HSDL2: variants seen among roughly 807,000 people sequenced by gnomAD.
HSDL2 encodes the protein hydroxysteroid dehydrogenase-like protein 2.
Under a neutral mutation model 46.3 loss-of-function variants are expected in HSDL2, and 27 were observed. The observed-to-expected ratio is 0.58, with a 90% CI of 0.43 to 0.80. The LOEUF is 0.80. Ranked by LOEUF, HSDL2 falls within the 30% of genes least tolerant of loss-of-function variation. The probability of loss-of-function intolerance (pLI) is 0.00; values close to 1 mark genes in which losing one functional copy is unlikely to be tolerated. For synonymous variants in HSDL2, 153 were observed against 163.6 expected (o/e 0.94, Z 0.50); for missense variants, 451 against 502.7 (o/e 0.90, Z 0.98).
chr9:112,409,095 T>A, intron 4 of HSDL2, 74 bp downstream of exon 4: 1 of 830,320 alleles, frequency 1.2e-6, no homozygotes, highest in South Asian at 1.5e-5. Flanking sequence ...TGTAAACAGA[T>A]TTGAGCCAAA....
chr9:112,440,501 G>C (rs1338651373), intron 7 of HSDL2, among the ~76,000 whole-genome samples: 1 of 152,130 alleles, frequency 6.6e-6, no homozygotes, highest in Non-Finnish European at 1.5e-5. Context: ...AAATCTTCTA[G>C]TGTGCACATG....
intron 7 of HSDL2, among the ~76,000 whole-genome samples, chr9:112,439,062 G>A (rs143255315): frequency 3.5e-4 from 54 of 152,196 alleles, no homozygotes; most frequent in African/African-American, 1.1e-3. Flanking sequence ...GTGTAGTGGC[G>A]CAATCTCAGC....
rs78505398 is a variant in HSDL2, at chr9:112,467,051, C to A, written c.1145-3381C>A. Reference sequence around the variant, plus strand: ...AATTATAGAATTACCAAATAACTCACAATTTCTACTTGTAAATATATACTC... The same window carrying A: ...AATTATAGAATTACCAAATAACTCAAAATTTCTACTTGTAAATATATACTC... On this transcript the variant is annotated intron_variant, in intron 10 of 10. Transcript: ENST00000398805. 1.7e-3 allele frequency among the ~76,000 whole-genome samples: 257 copies of A among 152,294 alleles called. 1 individual carries two copies. Among genetic ancestry groups the A allele is most frequent in the African/African-American group, 5.9e-3 (244 of 41,570 alleles).
At chr9:112,388,762 A>T (rs1831273754) in intron 1 of HSDL2, among the ~76,000 whole-genome samples, 1 of 152,124 alleles carries the variant, frequency 6.6e-6, no homozygotes, top group African/African-American at 2.4e-5. Context: ...TTGGAAAAAA[A>T]AAAGTAAGGA....
At chr9:112,405,341 G>C (rs1426131336) in intron 2 of HSDL2, among the ~76,000 whole-genome samples, 1 of 152,112 alleles carries the variant, frequency 6.6e-6, no homozygotes, top group Non-Finnish European at 1.5e-5. Flanking sequence ...AAGAGAGTGA[G>C]ACCCTGTCTG....
At chr9:112,447,093 T>C (rs988909954) in intron 8 of HSDL2, among the ~76,000 whole-genome samples, 1 of 152,202 alleles carries the variant, frequency 6.6e-6, no homozygotes, top group Admixed American at 6.5e-5. Flanking sequence ...GTCTAGGTGA[T>C]ATTCAGTATT....
chr9:112,380,250 G>A (rs1831052518), intron 1 of HSDL2, 70 bp downstream of exon 1: 2 of 1,456,098 alleles, frequency 1.4e-6, no homozygotes, highest in South Asian at 1.3e-5. Context: ...GGGCCGCCGC[G>A]GATCGCCCGG....
At chr9:112,462,459 T>C (rs1465017816) in intron 10 of HSDL2, among the ~76,000 whole-genome samples, 2 of 23,130 alleles carry the variant, frequency 8.6e-5, no homozygotes, top group Non-Finnish European at 1.6e-4. Flanking sequence ...TGAGACCCTG[T>C]CTCAAAAAAA....
At chr9:112,466,307 C>T (rs1430580108) in intron 10 of HSDL2, among the ~76,000 whole-genome samples, 1 of 152,138 alleles carries the variant, frequency 6.6e-6, no homozygotes, top group Non-Finnish European at 1.5e-5. Flanking sequence ...AATCCTAGCA[C>T]TTTGGGAGGC....
chr9:112,437,575 T>C (rs2065228), intron 6 of HSDL2, among the ~76,000 whole-genome samples: 83,347 of 151,314 alleles, frequency 0.55, 23,017 homozygotes, highest in African/African-American at 0.62. Flanking sequence ...AATGTGTGCA[T>C]GTGTTTGGTG....
At chr9:112,426,710 C>A (rs1832254003) in intron 6 of HSDL2, among the ~76,000 whole-genome samples, 1 of 152,086 alleles carries the variant, frequency 6.6e-6, no homozygotes, top group Admixed American at 6.5e-5. Flanking sequence ...GAACCAGTCC[C>A]TCGAAAAAAT....
At chr9:112,395,066 T>C (rs1314844083) in intron 1 of HSDL2, among the ~76,000 whole-genome samples, 5 of 152,124 alleles carry the variant, frequency 3.3e-5, no homozygotes, top group Non-Finnish European at 7.4e-5. Context: ...GATCCAGTGC[T>C]GGAGGAGGAA....
At chr9:112,390,400 C>T (rs1831314353) in intron 1 of HSDL2, among the ~76,000 whole-genome samples, 1 of 152,064 alleles carries the variant, frequency 6.6e-6, no homozygotes, top group African/African-American at 2.4e-5. Flanking sequence ...ATGTATTAGT[C>T]CCTTACTTCA....
chr9:112,445,673 T>C (rs1036080957), intron 8 of HSDL2, among the ~76,000 whole-genome samples: 12 of 152,108 alleles, frequency 7.9e-5, no homozygotes, highest in Admixed American at 5.9e-4. Context: ...TACATGGGTG[T>C]GCCACCATGC....
At chr9:112,438,653 G>A (rs1466056160) in intron 7 of HSDL2, 28 bp downstream of exon 7, 1 of 1,334,396 alleles carries the variant, frequency 7.5e-7, no homozygotes, top group East Asian at 2.4e-5. Context: ...TTTAAAAGTA[G>A]TGATACGTTT....
chr9:112,403,422 C>T (rs947368180), intron 1 of HSDL2, among the ~76,000 whole-genome samples: 2 of 152,202 alleles, frequency 1.3e-5, no homozygotes, highest in African/African-American at 2.4e-5. Context: ...TACTTTATTG[C>T]GGAACATTAT....
rs1833568235 is a variant in HSDL2, at chr9:112,471,280, A to G, written c.*736A>G. ...GTATGGGCTGAACTGTGTATCCCCC[A>G]ATTCATTTGTTGAGGTCCTAACTCC... On this transcript the variant is annotated 3_prime_UTR_variant, in exon 11 of 11. Transcript: ENST00000398805. 6.6e-6 allele frequency: 1 copy of G among 152,174 alleles called. No homozygotes were observed. Among genetic ancestry groups the G allele is most frequent in the Non-Finnish European group, 1.5e-5 (1 of 68,048 alleles). The allele number at this position is 152,174 out of a possible 1,614,324, so 9.4% of individuals were successfully genotyped here.
chr9:112,444,422 G>GT (rs34817199), intron 8 of HSDL2, among the ~76,000 whole-genome samples: 19,390 of 151,210 alleles, frequency 0.13, 1,708 homozygotes, highest in East Asian at 0.2. Flanking sequence ...AAATTGATGG[G>GT]TTTTTTTTTT....
At chr9:112,447,143 T>C (rs1255734946) in intron 8 of HSDL2, among the ~76,000 whole-genome samples, 1 of 152,192 alleles carries the variant, frequency 6.6e-6, no homozygotes, top group African/African-American at 2.4e-5. Context: ...ATTTATTCAG[T>C]GTGAAGTTAG....
Sources: gnomAD v4.1 joint callset for allele counts (sites outside exome capture counted in the v4.1 genomes callset) on GRCh38, gnomAD v4.1.1 for gene constraint, MANE v1.5 for transcripts, NCBI Gene and HGNC (gene_info 2026-07-23, HGNC 2026-07-21) for gene names.